Variants in MRRF observed in about 807,000 individuals in gnomAD.
MRRF encodes ribosome-recycling factor, mitochondrial.
A neutral mutation model predicts 25.1 loss-of-function variants in MRRF; 18 were observed. The ratio of observed to expected loss-of-function variants is 0.72; its 90% confidence interval spans 0.50 to 1.06. The LOEUF (loss-of-function observed/expected upper bound fraction) is 1.06. Among genes scored for constraint, MRRF ranks in the 50% least tolerant of loss-of-function variants. MRRF has a pLI of 0.00. For missense variants in MRRF, 323 were observed against 319.3 expected (o/e 1.01, Z -0.09); for synonymous variants, 113 against 112.1 (o/e 1.01, Z -0.05).
In MRRF at chr9:122,328,095, G is replaced by C. The variant is rs1159885814; in HGVS notation, c.*5478G>C. On this transcript the variant is annotated 3_prime_UTR_variant, in exon 7 of 7. Transcript: ENST00000344641. ...AGCAATCCTCCCACCTCAGCCTCCT[G>C]AGTAGCTGGGATTACAGCCACGTGC... 6.6e-6 allele frequency: 1 copy of C among 151,850 alleles called. No individual in the cohort carries two copies. The highest frequency in any genetic ancestry group is 6.6e-5 in the Admixed American group (1 of 15,234). The allele number at this position is 151,850 out of a possible 1,614,324, so 9.4% of individuals were successfully genotyped here.
intron 6 of MRRF, among the ~76,000 whole-genome samples, chr9:122,318,288 C>T (rs1250074157): frequency 1.3e-5 from 2 of 152,124 alleles, no homozygotes; most frequent in East Asian, 1.9e-4. Flanking sequence ...GAGGTCTTCC[C>T]GCTCAGGACT....
chr9:122,300,192 TGC>T (rs1474723072), intron 5 of MRRF, among the ~76,000 whole-genome samples: 1 of 152,224 alleles, frequency 6.6e-6, no homozygotes, highest in East Asian at 1.9e-4. Flanking sequence ...TTAGTACCTC[TGC>T]CATGTGTGGT....
chr9:122,276,358 A>T (rs1396558443), intron 2 of MRRF, among the ~76,000 whole-genome samples: 1 of 152,152 alleles, frequency 6.6e-6, no homozygotes, highest in Non-Finnish European at 1.5e-5. Context: ...TGGCACAATC[A>T]TACCTCACTG....
intron 5 of MRRF, among the ~76,000 whole-genome samples, chr9:122,306,844 G>T: frequency 6.6e-6 from 1 of 152,134 alleles, no homozygotes. Context: ...ATTTGGTCAG[G>T]CTGGGCTGTA....
At chr9:122,294,013 A>G (rs1289433779) in intron 5 of MRRF, among the ~76,000 whole-genome samples, 2 of 152,250 alleles carry the variant, frequency 1.3e-5, no homozygotes, top group African/African-American at 2.4e-5. Flanking sequence ...AAATGTACAC[A>G]TGGACGTTAG....
At chr9:122,300,979 T>A (rs1414346227) in intron 5 of MRRF, among the ~76,000 whole-genome samples, 1 of 152,226 alleles carries the variant, frequency 6.6e-6, no homozygotes, top group Non-Finnish European at 1.5e-5. Context: ...TCCTTGGCAC[T>A]CTCAGCCCAC....
rs1319025014 is a variant in MRRF at position 122,324,835 on chromosome 9, A to G, written c.*2218A>G. The G allele has an allele frequency of 6.6e-6, 1 of 152,250 alleles. No individual in the cohort carries two copies. The highest frequency in any genetic ancestry group is 1.5e-5 in the Non-Finnish European group (1 of 68,076). 9.4% of individuals were successfully genotyped at this position (152,250 alleles called of 1,614,324 possible). A position where few individuals can be genotyped will look rare whatever the true frequency, so the allele number is the denominator to read the frequency against. On this transcript the variant is annotated 3_prime_UTR_variant, in exon 7 of 7. Coordinates refer to ENST00000344641, the MANE Select transcript of MRRF (RefSeq NM_138777.5). The stretch of plus-strand genomic sequence containing the variant: ...TCAAGGTCAAAATTGGGTCAAAGTT[A>G]AACTAACACAGTCTCCTGCCCCACT...
At chr9:122,277,533 GTTA>G (rs1311240613) in intron 2 of MRRF, among the ~76,000 whole-genome samples, 2 of 152,064 alleles carry the variant, frequency 1.3e-5, no homozygotes, top group South Asian at 2.1e-4. Context: ...GCATATTTGT[GTTA>G]TTATTTTATT....
At chr9:122,265,629 C>G in intron 1 of MRRF, 2 of 530,470 alleles carry the variant, frequency 3.8e-6, no homozygotes, top group Non-Finnish European at 6.5e-6. Flanking sequence ...AGAATGAAAA[C>G]CTGATCTGAC....
At chr9:122,287,253 G>GA (rs1463580459) in intron 4 of MRRF, among the ~76,000 whole-genome samples, 1 of 152,172 alleles carries the variant, frequency 6.6e-6, no homozygotes, top group Non-Finnish European at 1.5e-5. Flanking sequence ...TGGAATGTAG[G>GA]AATGTCTAAT....
In MRRF at chr9:122,314,854, A is replaced by G. The variant is rs115695101; in HGVS notation, c.711+1468A>G. 2.5e-3 allele frequency among the ~76,000 whole-genome samples: 379 copies of G among 152,290 alleles called. 1 individual carries two copies. The highest frequency in any genetic ancestry group is 8.4e-3 in the African/African-American group (348 of 41,562). ...GTGGAGATAGAATTAGTAATGTTCA[A>G]TGTAATATAAAGGGTTTGATAGGCC... is the stretch of plus-strand genomic sequence containing the variant. On this transcript the variant is annotated intron_variant, in intron 6 of 6. Transcript: ENST00000344641.
At chr9:122,303,130 G>A (rs771396246) in intron 5 of MRRF, among the ~76,000 whole-genome samples, 3 of 151,812 alleles carry the variant, frequency 2.0e-5, no homozygotes, top group Admixed American at 6.6e-5. Flanking sequence ...TTTTTTAATT[G>A]CAAAAATAAC....
Position 122,327,704 on chromosome 9 carries a change from A to G in MRRF, c.*5087A>G, listed in dbSNP as rs1836178117. ...TGAAAGTACTGCTGTGTTGTTTTAT[A>G]CATAGCGCTCCAGACGCTTACATCT... is the stretch of plus-strand genomic sequence containing the variant. On this transcript the variant is annotated 3_prime_UTR_variant, in exon 7 of 7. Coordinates refer to ENST00000344641, the MANE Select transcript of MRRF (RefSeq NM_138777.5). 1 of 152,156 alleles carries G rather than the reference A, an allele frequency of 6.6e-6. No homozygotes were observed. Among genetic ancestry groups the G allele is most frequent in the Non-Finnish European group, 1.5e-5 (1 of 68,040 alleles). The allele number at this position is 152,156 out of a possible 1,614,324, so 9.4% of individuals were successfully genotyped here.
chr9:122,289,597 G>GT lies in MRRF; in HGVS notation c.460-2139dup, dbSNP rs112850742. 6.5e-3 allele frequency among the ~76,000 whole-genome samples: 904 copies of GT among 140,104 alleles called. 4 individuals carry two copies. The highest frequency in any genetic ancestry group is 0.015 in the East Asian group (74 of 4,794). The allele number at this position is 140,104 out of a possible 152,430, so 91.9% of individuals were successfully genotyped here. A position where few individuals can be genotyped will look rare whatever the true frequency, so the allele number is the denominator to read the frequency against. On this transcript the variant is annotated intron_variant, in intron 4 of 6. Transcript: ENST00000344641. ...CTCTTTATTGTTAACTTTAGAATCT[G>GT]TTTTTTTTTTTTTAAGGAAGATGGC...
intron 4 of MRRF, among the ~76,000 whole-genome samples, chr9:122,288,380 G>T (rs1833546594): frequency 6.6e-6 from 1 of 152,142 alleles, no homozygotes; most frequent in South Asian, 2.1e-4. Flanking sequence ...ATCAGTACAG[G>T]TACTCTGTAA....
intron 2 of MRRF, among the ~76,000 whole-genome samples, chr9:122,275,743 C>A (rs1832733126): frequency 6.6e-6 from 1 of 152,188 alleles, no homozygotes; most frequent in Non-Finnish European, 1.5e-5. Flanking sequence ...CCTCCGGGTT[C>A]ATCCATGGCA....
At chr9:122,304,925 C>T (rs1489176161) in intron 5 of MRRF, among the ~76,000 whole-genome samples, 1 of 151,902 alleles carries the variant, frequency 6.6e-6, no homozygotes, top group Non-Finnish European at 1.5e-5. Flanking sequence ...GTTACTTGAT[C>T]TGTCTGAACC....
chr9:122,318,277 C>T (rs937382202), intron 6 of MRRF, among the ~76,000 whole-genome samples: 13 of 152,124 alleles, frequency 8.5e-5, no homozygotes, highest in African/African-American at 1.2e-4. Flanking sequence ...GAAGAAGGAC[C>T]GAGGTCTTCC....
intron 5 of MRRF, among the ~76,000 whole-genome samples, chr9:122,312,197 C>T (rs930018943): frequency 6.6e-6 from 1 of 152,180 alleles, no homozygotes; most frequent in Non-Finnish European, 1.5e-5. Flanking sequence ...CACTCATGCT[C>T]ATGGGCAAGT....
Sources: gnomAD v4.1 joint callset for allele counts (sites outside exome capture counted in the v4.1 genomes callset) on GRCh38, gnomAD v4.1.1 for gene constraint, MANE v1.5 for transcripts, NCBI Gene and HGNC (gene_info 2026-07-23, HGNC 2026-07-21) for gene names.